STK24: variants seen among roughly 807,000 people sequenced by gnomAD.
The protein encoded by STK24 is serine/threonine kinase 24.
In STK24, 21 loss-of-function variants were observed where a neutral mutation model predicts 55.6. The ratio of observed to expected loss-of-function variants is 0.38; its 90% CI spans 0.27 to 0.54. STK24 has a LOEUF of 0.54. STK24 is among the 20% of genes least tolerant of loss of function. The pLI, the probability that STK24 is intolerant of heterozygous loss-of-function variation, is 0.79. For missense variants in STK24, 383 were observed against 538.4 expected (o/e 0.71, Z 2.86); for synonymous variants, 200 against 215.2 (o/e 0.93, Z 0.62).
rs188287851 is a variant in STK24 at position 98,514,662 on chromosome 13, T to C, written c.273+4581A>G. On this transcript the variant is annotated intron_variant, in intron 2 of 10. Coordinates refer to ENST00000539966, the MANE Select transcript of STK24 (RefSeq NM_001032296.4). Reference sequence around the variant, plus strand: ...AATGACACTACAACAAAAACTACTATGGCAAGGAAGAAATTTGAAAAGCAC... The same window carrying C: ...AATGACACTACAACAAAAACTACTACGGCAAGGAAGAAATTTGAAAAGCAC... Among the ~76,000 whole-genome samples the C allele has an allele frequency of 2.8e-3, 424 of 152,284 alleles. 1 individual carries two copies. The highest frequency in any genetic ancestry group is 4.5e-3 in the Non-Finnish European group (306 of 68,008).
In STK24 at chr13:98,449,671, T is replaced by C. The variant is rs1893092162; in HGVS notation, c.*3502A>G. On this transcript the variant is annotated 3_prime_UTR_variant, in exon 11 of 11. Coordinates refer to ENST00000539966, the MANE Select transcript of STK24 (RefSeq NM_001032296.4). ...GAAGAGCCTGCCGTGTGTTAATCATTTGCCTTACAAGATGTACCAGACGGT... is the reference window on the plus strand; with the variant it reads ...GAAGAGCCTGCCGTGTGTTAATCATCTGCCTTACAAGATGTACCAGACGGT... The C allele has an allele frequency of 6.6e-6, 1 of 152,446 alleles. No homozygotes were observed. Among genetic ancestry groups the C allele is most frequent in the Non-Finnish European group, 1.5e-5 (1 of 68,012 alleles). 9.4% of individuals were successfully genotyped at this position (152,446 alleles called of 1,614,324 possible).
rs1390961403 is a variant in STK24 at position 98,528,547 on chromosome 13, T to C, written c.43-9074A>G. On this transcript the variant is annotated intron_variant, in intron 1 of 10. Transcript: ENST00000539966. ...CTTCTGCAGCTCAGAAGCAGGGCCA[T>C]TCCACAATACAACACAACACTTTAT... Among the ~76,000 whole-genome samples, 9 of 152,344 alleles carry C rather than the reference T, an allele frequency of 5.9e-5. No individual in the cohort carries two copies. The East Asian group carries it at 1.7e-3, about 29-fold the overall frequency.
At chr13:98,482,353 T>C in intron 2 of STK24, 32 bp from the exon 3 acceptor site, 1 of 1,372,896 alleles carries the variant, frequency 7.3e-7, no homozygotes, top group Non-Finnish European at 1.0e-6. Flanking sequence ...AGAATCATTT[T>C]CAAAATGAAT....
chr13:98,524,269 G>A (rs1896355110), intron 1 of STK24, among the ~76,000 whole-genome samples: 1 of 151,524 alleles, frequency 6.6e-6, no homozygotes, highest in Non-Finnish European at 1.5e-5. Flanking sequence ...GCTCCCATAA[G>A]AGCAGCCCAC....
At chr13:98,523,437 C>A (rs1240398769) in intron 1 of STK24, among the ~76,000 whole-genome samples, 1 of 152,244 alleles carries the variant, frequency 6.6e-6, no homozygotes, top group South Asian at 2.1e-4. Flanking sequence ...TTGGGCACTC[C>A]TCCCAGCAAG....
intron 3 of STK24, 69 bp downstream of exon 3, chr13:98,482,196 G>T: frequency 1.2e-6 from 1 of 852,046 alleles, no homozygotes. Context: ...ACATGCAATG[G>T]ATTCTTTAAA....
At chr13:98,516,655 C>T (rs543455353) in intron 2 of STK24, among the ~76,000 whole-genome samples, 9 of 152,298 alleles carry the variant, frequency 5.9e-5, no homozygotes, top group Admixed American at 5.9e-4. Flanking sequence ...CCATTTCTCC[C>T]CCAACGCTGA....
chr13:98,489,036 G>T (rs530862352), intron 2 of STK24, among the ~76,000 whole-genome samples: 53 of 152,264 alleles, frequency 3.5e-4, no homozygotes, highest in African/African-American at 1.2e-3. Flanking sequence ...TTTGTAAAAG[G>T]TACCTTTCCG....
chr13:98,518,738 TTTTA>T (rs1471846130), intron 2 of STK24, among the ~76,000 whole-genome samples: 3 of 152,232 alleles, frequency 2.0e-5, no homozygotes, highest in African/African-American at 4.8e-5. Context: ...ATAACTACCG[TTTTA>T]TTTAAGTAAT....
Position 98,530,285 on chromosome 13 carries a change from TG to T in STK24, c.43-10813del, listed in dbSNP as rs564023495. 2.0e-5 allele frequency among the ~76,000 whole-genome samples: 3 copies of T among 152,278 alleles called. No homozygotes were observed. The South Asian group carries it at 6.2e-4, about 32-fold the overall frequency. On this transcript the variant is annotated intron_variant, in intron 1 of 10. Transcript: ENST00000539966. Reference sequence around the variant, plus strand: ...CTAAGAGAATGTCTTGTAAAACACCTGGAATACTTAAGGCAGCTCCGTTTTT... The same window carrying T: ...CTAAGAGAATGTCTTGTAAAACACCTGAATACTTAAGGCAGCTCCGTTTTT...
chr13:98,561,432 C>T (rs1158461900), intron 1 of STK24, among the ~76,000 whole-genome samples: 5 of 151,798 alleles, frequency 3.3e-5, no homozygotes, highest in Admixed American at 6.6e-5. Flanking sequence ...AAAATACAAG[C>T]ATTAGCCGGT....
At chr13:98,524,625 G>T (rs185773577) in intron 1 of STK24, among the ~76,000 whole-genome samples, 4 of 152,328 alleles carry the variant, frequency 2.6e-5, no homozygotes, top group Admixed American at 6.5e-5. Flanking sequence ...ATGCTAAATC[G>T]TTATTGTTTT....
chr13:98,520,340 C>T (rs538183265), intron 1 of STK24, among the ~76,000 whole-genome samples: 3 of 152,274 alleles, frequency 2.0e-5, no homozygotes, highest in South Asian at 2.1e-4. Context: ...AATGGCACCC[C>T]GGTGACAAGC....
intron 9 of STK24, among the ~76,000 whole-genome samples, chr13:98,458,709 C>T (rs1456160451): frequency 6.6e-6 from 1 of 152,208 alleles, no homozygotes; most frequent in Non-Finnish European, 1.5e-5. Flanking sequence ...AGAAGGGCCG[C>T]CCTGGGAGAG....
chr13:98,471,307 G>A (rs907853657), intron 5 of STK24, among the ~76,000 whole-genome samples: 3 of 152,154 alleles, frequency 2.0e-5, no homozygotes, highest in Non-Finnish European at 4.4e-5. Flanking sequence ...TGCATCACCA[G>A]TTTCCACTTT....
rs919096477 is a variant in STK24, at chr13:98,555,471, C to T, written c.42+21274G>A. On this transcript the variant is annotated intron_variant, in intron 1 of 10. Coordinates refer to ENST00000539966, the MANE Select transcript of STK24 (RefSeq NM_001032296.4). ...GCGGGCGCCTGTAGTCCCAGCTACT[C>T]GGGAGGCTGAGGCAGCAGAACGGCA... is the stretch of plus-strand genomic sequence containing the variant. 3.2e-4 allele frequency among the ~76,000 whole-genome samples: 48 copies of T among 151,616 alleles called. No homozygotes were observed. The East Asian group carries it at 9.1e-3, about 29-fold the overall frequency.
At chr13:98,492,031 G>C (rs1033304163) in intron 2 of STK24, among the ~76,000 whole-genome samples, 3 of 151,934 alleles carry the variant, frequency 2.0e-5, no homozygotes, top group Non-Finnish European at 4.4e-5. Context: ...GCAGAAAAGG[G>C]TGGGTGAAGA....
chr13:98,460,174 C>T (rs969818879), intron 9 of STK24, among the ~76,000 whole-genome samples, 198 bp downstream of exon 9: 17 of 150,324 alleles, frequency 1.1e-4, no homozygotes, highest in Non-Finnish European at 1.2e-4. Flanking sequence ...CAGGCTGCGG[C>T]GGAGTGGGCA....
In STK24 at chr13:98,544,565, C is replaced by T. The variant is rs116071821; in HGVS notation, c.43-25092G>A. On this transcript the variant is annotated intron_variant, in intron 1 of 10. Coordinates refer to ENST00000539966, the MANE Select transcript of STK24 (RefSeq NM_001032296.4). The stretch of plus-strand genomic sequence containing the variant: ...CAGGCCGGAGAGGAGAGGACAGAGC[C>T]GCCCGCCCCAGGAGGCAATGCTCCC... Among the ~76,000 whole-genome samples, 1,022 of 152,328 alleles carry T rather than the reference C, an allele frequency of 6.7e-3. 11 individuals carry two copies. Among genetic ancestry groups the T allele is most frequent in the African/African-American group, 0.023 (960 of 41,586 alleles).
Sources: gnomAD v4.1 joint callset for allele counts (sites outside exome capture counted in the v4.1 genomes callset) on GRCh38, gnomAD v4.1.1 for gene constraint, MANE v1.5 for transcripts, NCBI Gene and HGNC (gene_info 2026-07-23, HGNC 2026-07-21) for gene names.